The following PTPRM variants were observed in gnomAD, a reference collection of about 807,000 sequenced individuals.
PTPRM encodes the protein receptor-type tyrosine-protein phosphatase mu.
Under a neutral mutation model 186.7 loss-of-function variants are expected in PTPRM, and 47 were observed. The observed-to-expected ratio is 0.25, with a 90% CI of 0.20 to 0.32. PTPRM has a LOEUF of 0.32. PTPRM is among the 10% of genes least tolerant of loss of function. The probability of loss-of-function intolerance (pLI) is 1.00; values close to 1 mark genes in which losing one functional copy is unlikely to be tolerated. For synonymous variants in PTPRM, 668 were observed against 674.9 expected (o/e 0.99, Z 0.16); for missense variants, 1,494 against 1,865.0 (o/e 0.80, Z 3.66).
chr18:7,891,046 G>T (rs1599321683), intron 3 of PTPRM, among the ~76,000 whole-genome samples: 1 of 152,024 alleles, frequency 6.6e-6, no homozygotes, highest in African/African-American at 2.4e-5. Flanking sequence ...GGAGGCCGAG[G>T]TGGGAGGATC....
intron 14 of PTPRM, among the ~76,000 whole-genome samples, chr18:8,240,646 AG>A (rs2094413982): frequency 1.1e-4 from 4 of 36,110 alleles, no homozygotes; most frequent in African/African-American, 5.8e-4. Flanking sequence ...AGAGAGAGAG[AG>A]AGAGAGAAAG....
At chr18:8,305,585 A>C (rs1376439370) in intron 20 of PTPRM, among the ~76,000 whole-genome samples, 4 of 152,228 alleles carry the variant, frequency 2.6e-5, no homozygotes, top group Non-Finnish European at 5.9e-5. Flanking sequence ...AGATTCATAC[A>C]GGGATTCTGG....
chr18:7,769,828 T>A (rs538160621), intron 1 of PTPRM, among the ~76,000 whole-genome samples: 6 of 152,238 alleles, frequency 3.9e-5, no homozygotes, highest in Admixed American at 2.6e-4. Flanking sequence ...TATTCAAAGT[T>A]GCTAAGGAAA....
chr18:8,031,020 G>A (rs560535330), intron 7 of PTPRM, among the ~76,000 whole-genome samples: 7 of 152,068 alleles, frequency 4.6e-5, no homozygotes, highest in South Asian at 2.1e-4. Flanking sequence ...AAGAGTGTGC[G>A]CTTGTTTGTA....
intron 14 of PTPRM, among the ~76,000 whole-genome samples, chr18:8,218,691 G>C (rs752945357): frequency 6.6e-6 from 1 of 152,158 alleles, no homozygotes; most frequent in Non-Finnish European, 1.5e-5. Context: ...CTACTTTTGT[G>C]CATGAAGCAT....
chr18:7,789,787 A>G (rs1290253356), intron 2 of PTPRM, among the ~76,000 whole-genome samples: 3 of 152,194 alleles, frequency 2.0e-5, no homozygotes, highest in Admixed American at 6.5e-5. Flanking sequence ...TCTTCATAAA[A>G]TGCCTATATT....
At chr18:7,570,639 T>A (rs1305637263) in intron 1 of PTPRM, among the ~76,000 whole-genome samples, 1 of 152,208 alleles carries the variant, frequency 6.6e-6, no homozygotes. Context: ...CTGGGTTCTC[T>A]TTAGGCCAAT....
chr18:7,941,511 T>A (rs1044292474), intron 5 of PTPRM, among the ~76,000 whole-genome samples: 7 of 152,266 alleles, frequency 4.6e-5, no homozygotes, highest in Non-Finnish European at 7.3e-5. Context: ...ATGTTTATCT[T>A]GTTTTAATTT....
chr18:8,137,856 C>G (rs1368227752), intron 13 of PTPRM, among the ~76,000 whole-genome samples: 1 of 152,124 alleles, frequency 6.6e-6, no homozygotes, highest in African/African-American at 2.4e-5. Context: ...CCCCTCCACT[C>G]TTCCCCAGCT....
intron 11 of PTPRM, among the ~76,000 whole-genome samples, chr18:8,103,329 T>C (rs544493194): frequency 2.6e-5 from 4 of 152,374 alleles, no homozygotes; most frequent in African/African-American, 9.6e-5. Context: ...GGCCATTTCA[T>C]CTACATTGAA....
intron 7 of PTPRM, among the ~76,000 whole-genome samples, chr18:8,063,147 A>C (rs2088733671): frequency 6.6e-6 from 1 of 151,516 alleles, no homozygotes; most frequent in African/African-American, 2.4e-5. Flanking sequence ...CAGGTGTGGG[A>C]TATAGTCTCG....
chr18:8,224,656 G>A (rs1389489401), intron 14 of PTPRM, among the ~76,000 whole-genome samples: 1 of 152,090 alleles, frequency 6.6e-6, no homozygotes, highest in Non-Finnish European at 1.5e-5. Context: ...TGTGACCCAG[G>A]GCAAGTCACA....
intron 20 of PTPRM, among the ~76,000 whole-genome samples, chr18:8,314,017 T>G (rs2095289363): frequency 6.6e-6 from 1 of 152,072 alleles, no homozygotes; most frequent in Non-Finnish European, 1.5e-5. Flanking sequence ...TAAAATACAA[T>G]ATACATTTTC....
At chr18:7,972,956 G>A (rs999098483) in intron 7 of PTPRM, among the ~76,000 whole-genome samples, 1 of 152,028 alleles carries the variant, frequency 6.6e-6, no homozygotes, top group African/African-American at 2.4e-5. Flanking sequence ...TATTGTACAT[G>A]TTATTCATCA....
intron 31 of PTPRM, among the ~76,000 whole-genome samples, chr18:8,392,407 T>A (rs140122822): frequency 6.6e-6 from 1 of 151,928 alleles, no homozygotes; most frequent in South Asian, 2.1e-4. Context: ...GGCAGATCAC[T>A]AGGTCAGGAG....
intron 2 of PTPRM, among the ~76,000 whole-genome samples, chr18:7,827,649 A>C (rs565291549): frequency 1.4e-3 from 219 of 152,378 alleles, no homozygotes; most frequent in African/African-American, 5.1e-3. Flanking sequence ...TTTGTACATC[A>C]GAAGCCAAAA....
intron 20 of PTPRM, among the ~76,000 whole-genome samples, chr18:8,309,413 G>A (rs975385974): frequency 6.6e-6 from 1 of 151,956 alleles, no homozygotes; most frequent in Non-Finnish European, 1.5e-5. Flanking sequence ...AAAAATAAAT[G>A]TTTATTGATT....
intron 1 of PTPRM, among the ~76,000 whole-genome samples, chr18:7,711,277 C>T (rs993910416): frequency 2.6e-5 from 4 of 152,122 alleles, no homozygotes; most frequent in African/African-American, 7.2e-5. Context: ...GGGACTGTGC[C>T]GTGAGGGACG....
At chr18:7,934,869 A>G (rs919159710) in intron 5 of PTPRM, among the ~76,000 whole-genome samples, 1 of 152,220 alleles carries the variant, frequency 6.6e-6, no homozygotes, top group Non-Finnish European at 1.5e-5. Context: ...AGACATAGAT[A>G]GTTCCTCATG....
Sources: allele counts gnomAD v4.1 joint callset (sites outside exome capture counted in the v4.1 genomes callset), GRCh38; gene constraint gnomAD v4.1.1; transcripts MANE v1.5; gene names NCBI Gene and HGNC (gene_info 2026-07-23, HGNC 2026-07-21).